SLC35D2: variants seen among roughly 807,000 people sequenced by gnomAD.
SLC35D2 encodes the protein solute carrier family 35 member D2.
A neutral mutation model predicts 41.8 loss-of-function variants in SLC35D2; 43 were observed. The observed-to-expected ratio is 1.03, with a 90% CI of 0.81 to 1.33. The LOEUF is 1.33. SLC35D2 is among the 40% of genes most tolerant of loss of function. The probability of loss-of-function intolerance (pLI) is 0.00; values close to 1 mark genes in which losing one functional copy is unlikely to be tolerated. For synonymous variants in SLC35D2, 150 were observed against 163.9 expected (o/e 0.92, Z 0.65); for missense variants, 380 against 408.4 (o/e 0.93, Z 0.60).
At chr9:96,383,369 C>T (rs1209567721) in intron 1 of SLC35D2, 108 bp downstream of exon 1, 2 of 781,990 alleles carry the variant, frequency 2.6e-6, no homozygotes, top group Middle Eastern at 4.5e-4. Flanking sequence ...AGCTGAGACT[C>T]GAGGGTCCCT....
chr9:96,324,221 G>T, intron 9 of SLC35D2, 52 bp from the exon 10 acceptor site: 1 of 1,493,186 alleles, frequency 6.7e-7, no homozygotes, highest in South Asian at 1.1e-5. Context: ...GCTGGGTAAT[G>T]ACAAATAGGT....
downstream of SLC35D2, among the ~76,000 whole-genome samples, chr9:96,317,093 G>A (rs1030706847): frequency 1.3e-5 from 2 of 151,184 alleles, no homozygotes; most frequent in Admixed American, 6.6e-5. Context: ...AGCCGAGATC[G>A]CGCCACTGCA....
intron 1 of SLC35D2, among the ~76,000 whole-genome samples, chr9:96,376,901 C>T (rs1005729452): frequency 2.0e-5 from 3 of 151,466 alleles, no homozygotes; most frequent in Non-Finnish European, 4.4e-5. Flanking sequence ...TGAGCCACTG[C>T]GCCCGGCCAT....
chr9:96,351,323 T>C, intron 5 of SLC35D2, 152 bp from the exon 6 acceptor site: 1 of 612,996 alleles, frequency 1.6e-6, no homozygotes, highest in Non-Finnish European at 2.9e-6. Context: ...GCACTAAAAG[T>C]GTTTCTAAGT....
At chr9:96,382,466 TAC>T (rs35402465) in intron 1 of SLC35D2, among the ~76,000 whole-genome samples, 5,516 of 132,968 alleles carry the variant, frequency 0.041, 193 homozygotes, top group African/African-American at 0.1. Flanking sequence ...AAAAATATTA[TAC>T]ACACACACAC....
At position 96,338,962 on chromosome 9, in the gene SLC35D2, C is replaced by G. The variant is rs373899038; in HGVS notation, c.685-2178G>C. Among the ~76,000 whole-genome samples, 213 of 152,258 alleles carry G rather than the reference C, an allele frequency of 1.4e-3. 3 individuals carry two copies. The South Asian group carries it at 0.043, about 31-fold the overall frequency. ...GAAAAACATCTATTCTCTCAAAGAGCTAAAAGTATTTATGCAAACAGTAAA... is the reference window on the plus strand; with the variant it reads ...GAAAAACATCTATTCTCTCAAAGAGGTAAAAGTATTTATGCAAACAGTAAA... On this transcript the variant is annotated intron_variant, in intron 8 of 11. Coordinates refer to ENST00000253270, the MANE Select transcript of SLC35D2 (RefSeq NM_007001.3).
At chr9:96,338,005 A>AAAAAAAAAAAAAAAAAAAAAAAAAAAAAG (rs373089900) in intron 8 of SLC35D2, among the ~76,000 whole-genome samples, 3 of 104,796 alleles carry the variant, frequency 2.9e-5, no homozygotes, top group Non-Finnish European at 1.8e-5. Context: ...AAAAAAAAAA[A>AAAAAAAAAAAAAAAAAAAAAAAAAAAAAG]CTCAATTTCT....
At position 96,358,080 on chromosome 9, in the gene SLC35D2, T is replaced by TTATATATATATATATA. The variant is rs34633441; in HGVS notation, c.347+2058_347+2073dup. On this transcript the variant is annotated intron_variant, in intron 4 of 11. Transcript: ENST00000253270. ...ATGGATAAACAAAATATTATATATT[T>TTATATATATATATATA]TATATATATATATATATATATATAT... Among the ~76,000 whole-genome samples, 313 of 122,614 alleles carry TTATATATATATATATA rather than the reference T, an allele frequency of 2.6e-3. 18 individuals are homozygous for TTATATATATATATATA. Among genetic ancestry groups the TTATATATATATATATA allele is most frequent in the African/African-American group, 0.011 (285 of 25,552 alleles). The allele number at this position is 122,614 out of a possible 152,430, so 80.4% of individuals were successfully genotyped here.
At chr9:96,370,783 T>C (rs762291153) in intron 1 of SLC35D2, among the ~76,000 whole-genome samples, 1 of 152,184 alleles carries the variant, frequency 6.6e-6, no homozygotes, top group Non-Finnish European at 1.5e-5. Flanking sequence ...GTCTTGCTAA[T>C]TGCTTCAGGC....
chr9:96,330,505 T>G (rs1215965443), intron 9 of SLC35D2, among the ~76,000 whole-genome samples: 1 of 152,204 alleles, frequency 6.6e-6, no homozygotes, highest in African/African-American at 2.4e-5. Context: ...TTTAGTTGCA[T>G]CCATCTGATG....
chr9:96,328,845 C>T (rs951079847), intron 9 of SLC35D2, among the ~76,000 whole-genome samples: 1 of 152,112 alleles, frequency 6.6e-6, no homozygotes, highest in Non-Finnish European at 1.5e-5. Context: ...GAACCCCATC[C>T]TCACCATCTC....
intron 1 of SLC35D2, among the ~76,000 whole-genome samples, chr9:96,374,688 AT>A (rs1420956389): frequency 1.5e-5 from 2 of 137,764 alleles, no homozygotes; most frequent in African/African-American, 5.4e-5. Flanking sequence ...TAAAAAAAAA[AT>A]TAGCCGAGCG....
chr9:96,340,005 C>T (rs1478377167), intron 8 of SLC35D2, among the ~76,000 whole-genome samples: 2 of 152,196 alleles, frequency 1.3e-5, no homozygotes, highest in Admixed American at 6.5e-5. Flanking sequence ...TAACATTTTG[C>T]TCTAATTCAT....
At chr9:96,351,629 A>G in intron 5 of SLC35D2, among the ~76,000 whole-genome samples, 1 of 152,278 alleles carries the variant, frequency 6.6e-6, no homozygotes, top group East Asian at 1.9e-4. Context: ...CCAACAATAT[A>G]AAAATTAATT....
At chr9:96,350,347 C>CTTTTTTTT (rs57531044) in intron 6 of SLC35D2, among the ~76,000 whole-genome samples, 5 of 91,010 alleles carry the variant, frequency 5.5e-5, no homozygotes, top group African/African-American at 2.5e-4. Context: ...ATTTTCTTTC[C>CTTTTTTTT]TTTTTTTTTT....
At chr9:96,382,776 A>T (rs1831262338) in intron 1 of SLC35D2, among the ~76,000 whole-genome samples, 1 of 152,164 alleles carries the variant, frequency 6.6e-6, no homozygotes, top group Admixed American at 6.5e-5. Flanking sequence ...GCTCGTGCAG[A>T]GCCCTGGAGG....
intron 8 of SLC35D2, among the ~76,000 whole-genome samples, chr9:96,339,927 C>T (rs548814324): frequency 7.2e-5 from 11 of 152,234 alleles, no homozygotes; most frequent in Non-Finnish European, 1.6e-4. Flanking sequence ...TGATCTTCTC[C>T]ATCGCTCCTA....
downstream of SLC35D2, among the ~76,000 whole-genome samples, chr9:96,319,684 A>T (rs1051018215): frequency 2.0e-5 from 3 of 151,878 alleles, no homozygotes; most frequent in Non-Finnish European, 2.9e-5. Context: ...TTTTTTGTAG[A>T]GATGATGTTT....
Position 96,350,825 on chromosome 9 carries a change from C to T in SLC35D2, c.488+278G>A, listed in dbSNP as rs572772041. 16 of 271,504 alleles carry T rather than the reference C, an allele frequency of 5.9e-5. No homozygotes were observed. The South Asian group carries it at 2.2e-3, about 37-fold the overall frequency. The allele number at this position is 271,504 out of a possible 1,614,324, so 16.8% of individuals were successfully genotyped here. ...AGTTGTTATAATGAAGACAAACATT[C>T]AGTAAGAAATGTAAACAGTTCACTG... On this transcript the variant is annotated intron_variant, in intron 6 of 11. Transcript: ENST00000253270.
Sources: allele counts gnomAD v4.1 joint callset (sites outside exome capture counted in the v4.1 genomes callset), GRCh38; gene constraint gnomAD v4.1.1; transcripts MANE v1.5; gene names NCBI Gene and HGNC (gene_info 2026-07-23, HGNC 2026-07-21).